Variants in OPRD1 observed in about 807,000 individuals in gnomAD.
The protein encoded by OPRD1 is opioid receptor delta 1, also known as delta-type opioid receptor.
A neutral mutation model predicts 17.5 loss-of-function variants in OPRD1; 19 were observed. The ratio of observed to expected loss-of-function variants is 1.09; its 90% CI spans 0.76 to 1.60. OPRD1 has a LOEUF of 1.60. Ranked by LOEUF, OPRD1 falls within the 40% of genes most tolerant of loss-of-function variation. The pLI, the probability that OPRD1 is intolerant of heterozygous loss-of-function variation, is 0.00. For synonymous variants in OPRD1, 256 were observed against 240.9 expected (o/e 1.06, Z -0.58); for missense variants, 483 against 547.2 (o/e 0.88, Z 1.17).
Position 28,824,795 on chromosome 1 carries a change from A to T in OPRD1, c.227+12185A>T, listed in dbSNP as rs557572193. ...ATAACATGCCCAAAGTCCCAAGATA[A>T]TTTTGAAATCAGAAGAGTGTTGTTC... On this transcript the variant is annotated intron_variant, in intron 1 of 2. Transcript: ENST00000234961. Among the ~76,000 whole-genome samples the T allele has an allele frequency of 4.4e-3, 663 of 152,176 alleles. 5 individuals are homozygous for T. The highest frequency in any genetic ancestry group is 8.2e-3 in the Non-Finnish European group (557 of 68,006).
intron 1 of OPRD1, among the ~76,000 whole-genome samples, chr1:28,846,841 CTTTCTTT>C (rs1557575910): frequency 8.5e-5 from 6 of 70,530 alleles, no homozygotes. Flanking sequence ...TTCTTTCTTT[CTTTCTTT>C]TCTTTCTTTC....
chr1:28,831,646 G>C (rs1273930686), intron 1 of OPRD1, among the ~76,000 whole-genome samples: 13 of 152,162 alleles, frequency 8.5e-5, no homozygotes, highest in Non-Finnish European at 1.9e-4. Flanking sequence ...CCAGGCTCAA[G>C]TGATCCTCCC....
At chr1:28,828,146 T>C (rs2088781230) in intron 1 of OPRD1, among the ~76,000 whole-genome samples, 1 of 152,172 alleles carries the variant, frequency 6.6e-6, no homozygotes, top group African/African-American at 2.4e-5. Context: ...CCTTACAAAA[T>C]GTATTTCTTA....
chr1:28,819,042 G>T (rs1280125213), intron 1 of OPRD1, among the ~76,000 whole-genome samples: 1 of 151,886 alleles, frequency 6.6e-6, no homozygotes, highest in Non-Finnish European at 1.5e-5. Context: ...GGGGTGGATT[G>T]GATGGGGAGG....
intron 1 of OPRD1, among the ~76,000 whole-genome samples, chr1:28,813,381 A>T (rs570381132): frequency 6.6e-6 from 1 of 152,336 alleles, no homozygotes; most frequent in East Asian, 1.9e-4. Flanking sequence ...AATAGGATTC[A>T]GAGAAGACTC....
Position 28,858,483 on chromosome 1 carries a change from G to A in OPRD1, c.228-471G>A, listed in dbSNP as rs568627123. 1.8e-4 allele frequency among the ~76,000 whole-genome samples: 27 copies of A among 151,720 alleles called. No homozygotes were observed. In the South Asian group the frequency reaches 4.6e-3, roughly 26 times the overall value. ...GAGAAATCCTTTTGCTTCTGTTGTC[G>A]GGGAAAGGAGCGATGCCAAATCAGA... On this transcript the variant is annotated intron_variant, in intron 1 of 2. Coordinates refer to ENST00000234961, the MANE Select transcript of OPRD1 (RefSeq NM_000911.4).
chr1:28,852,098 C>T (rs567588335), intron 1 of OPRD1, among the ~76,000 whole-genome samples: 7 of 134,820 alleles, frequency 5.2e-5, no homozygotes, highest in African/African-American at 1.7e-4. Flanking sequence ...ACCTGGGAGG[C>T]GGAGCTTGGA....
chr1:28,819,863 G>A (rs1460275435), intron 1 of OPRD1, among the ~76,000 whole-genome samples: 1 of 152,184 alleles, frequency 6.6e-6, no homozygotes, highest in African/African-American at 2.4e-5. Flanking sequence ...CCTCTGCATG[G>A]GGTGGCAGCA....
At position 28,865,056 on chromosome 1, in the gene OPRD1, G is replaced by A. The variant is rs2089164814; in HGVS notation, c.*1773G>A. The A allele has an allele frequency of 6.6e-6, 1 of 152,126 alleles. No homozygotes were observed. Among genetic ancestry groups the A allele is most frequent in the Non-Finnish European group, 1.5e-5 (1 of 68,066 alleles). 9.4% of individuals were successfully genotyped at this position (152,126 alleles called of 1,614,324 possible). ...AGCTGTCCCCTTCACGCTGCTGAGA[G>A]TGATATCCACCTGGAGTTGGGTGTA... On this transcript the variant is annotated 3_prime_UTR_variant, in exon 3 of 3. Transcript: ENST00000234961.
rs780910573 is a variant in OPRD1, at chr1:28,812,609, C to A, written c.226C>A (p.Arg76=). ...GNVLVMFGIV[R]YTKMKTATNI... is the part of the protein sequence containing the mutation. ...CGTGCTTGTCATGTTCGGCATCGTC[C>A]GGTGAGTCCGCTGCGGGCCGGCGCC... The change falls in exon 1 of 3, where the codon CGG becomes AGG. Residue 76 remains arginine, a splice_region_variant and synonymous_variant. Coordinates refer to ENST00000234961, the MANE Select transcript of OPRD1 (RefSeq NM_000911.4). The A allele has an allele frequency of 3.3e-6, 5 of 1,508,172 alleles. No individual in the cohort carries two copies. The highest frequency in any genetic ancestry group is 4.1e-5 in the Admixed American group (2 of 48,626). The allele number at this position is 1,508,172 out of a possible 1,614,324, so 93.4% of individuals were successfully genotyped here. A position where few individuals can be genotyped will look rare whatever the true frequency, so the allele number is the denominator to read the frequency against.
intron 2 of OPRD1, among the ~76,000 whole-genome samples, chr1:28,861,913 C>CTT (rs34765043): frequency 7.6e-5 from 4 of 52,948 alleles, no homozygotes; most frequent in Admixed American, 2.5e-4. Flanking sequence ...CTTTTCTTTT[C>CTT]TTTTTTTTTT....
chr1:28,831,934 G>C (rs2088811327), intron 1 of OPRD1, among the ~76,000 whole-genome samples: 1 of 152,192 alleles, frequency 6.6e-6, no homozygotes, highest in Admixed American at 6.5e-5. Context: ...CCAGCTCTAT[G>C]AGTTTAGTAC....
At chr1:28,820,773 G>A (rs2124259876) in intron 1 of OPRD1, among the ~76,000 whole-genome samples, 1 of 152,050 alleles carries the variant, frequency 6.6e-6, no homozygotes, top group Admixed American at 6.6e-5. Flanking sequence ...AGCTATGATT[G>A]TACCACTGCA....
At position 28,863,820 on chromosome 1, in the gene OPRD1, C is replaced by A; in HGVS notation, c.*537C>A. ...CCAGAGACAGGACAGCTGGGTGTGG[C>A]TACAGCTGAAGATTTGGTCACCAGA... On this transcript the variant is annotated 3_prime_UTR_variant, in exon 3 of 3. Coordinates refer to ENST00000234961, the MANE Select transcript of OPRD1 (RefSeq NM_000911.4). The A allele has an allele frequency of 6.5e-6, 1 of 153,198 alleles. No individual in the cohort carries two copies. The highest frequency in any genetic ancestry group is 1.5e-5 in the Non-Finnish European group (1 of 68,752). 9.5% of individuals were successfully genotyped at this position (153,198 alleles called of 1,614,324 possible).
At position 28,863,004 on chromosome 1, in the gene OPRD1, C is replaced by T. The variant is rs767062737; in HGVS notation, c.840C>T (p.Phe280=). The part of the protein sequence containing the change: ...FVVCWAPIHI[F]VIVWTLVDID... ...TGTGTTGGGCGCCCATCCACATCTT[C>T]GTCATCGTCTGGACGCTGGTGGACA... The change falls in exon 3 of 3, where the codon TTC becomes TTT. Residue 280 remains phenylalanine, a synonymous_variant. Coordinates refer to ENST00000234961, the MANE Select transcript of OPRD1 (RefSeq NM_000911.4). The T allele has an allele frequency of 1.4e-5, 23 of 1,609,952 alleles. No individual in the cohort carries two copies. Among genetic ancestry groups the T allele is most frequent in the Non-Finnish European group, 2.0e-5 (23 of 1,178,278 alleles).
intron 1 of OPRD1, among the ~76,000 whole-genome samples, chr1:28,832,607 A>C: frequency 7.9e-6 from 1 of 126,208 alleles, no homozygotes; most frequent in Non-Finnish European, 1.7e-5. Context: ...GTAGAGTGAG[A>C]CTCTGTCTCA....
chr1:28,862,978 G>GT lies in OPRD1; in HGVS notation c.815dup (p.Cys273ValfsTer39), dbSNP rs1357742166. On this transcript the variant is annotated frameshift_variant, in exon 3 of 3. Coordinates refer to ENST00000234961, the MANE Select transcript of OPRD1 (RefSeq NM_000911.4). LOFTEE classifies it high-confidence loss of function. ...GCTGGTGGTTGTGGGCGCCTTCGTG[G>GT]TGTGTTGGGCGCCCATCCACATCTT... 1 of 1,611,190 alleles carries GT rather than the reference G, an allele frequency of 6.2e-7. No homozygotes were observed. Among genetic ancestry groups the GT allele is most frequent in the African/African-American group, 1.3e-5 (1 of 74,906 alleles).
chr1:28,867,358 C>T lies in OPRD1; in HGVS notation c.*4075C>T, dbSNP rs895273200. On this transcript the variant is annotated 3_prime_UTR_variant, in exon 3 of 3. Transcript: ENST00000234961. ...TAGCTGGGATTACAGGTGTGCACCACCATAACCCAGCTAATATTTTTATTT... is the reference window on the plus strand; with the variant it reads ...TAGCTGGGATTACAGGTGTGCACCATCATAACCCAGCTAATATTTTTATTT... The T allele has an allele frequency of 1.3e-5, 2 of 152,056 alleles. No homozygotes were observed. Among genetic ancestry groups the T allele is most frequent in the Non-Finnish European group, 2.9e-5 (2 of 68,000 alleles). The allele number at this position is 152,056 out of a possible 1,614,324, so 9.4% of individuals were successfully genotyped here. A position where few individuals can be genotyped will look rare whatever the true frequency, so the allele number is the denominator to read the frequency against.
chr1:28,840,853 G>C (rs371177300), intron 1 of OPRD1, among the ~76,000 whole-genome samples: 1 of 152,082 alleles, frequency 6.6e-6, no homozygotes, highest in Non-Finnish European at 1.5e-5. Flanking sequence ...ACTGGGAGAC[G>C]GAGGTTGCAG....
Sources: gnomAD v4.1 joint callset for allele counts (sites outside exome capture counted in the v4.1 genomes callset) on GRCh38, gnomAD v4.1.1 for gene constraint, MANE v1.5 for transcripts, NCBI Gene and HGNC (gene_info 2026-07-23, HGNC 2026-07-21) for gene names.